The following ADAMTSL1 variants were observed in gnomAD, a reference collection of about 807,000 sequenced individuals.
The protein encoded by ADAMTSL1 is ADAMTS-like protein 1.
A neutral mutation model predicts 201.8 loss-of-function variants in ADAMTSL1; 126 were observed. The ratio of observed to expected loss-of-function variants is 0.62; its 90% CI spans 0.54 to 0.72. ADAMTSL1 has a LOEUF of 0.72. Among genes scored for constraint, ADAMTSL1 ranks in the 30% least tolerant of loss-of-function variants. The pLI, the probability that ADAMTSL1 is intolerant of heterozygous loss-of-function variation, is 0.00. For missense variants in ADAMTSL1, 2,679 were observed against 2,277.8 expected, an observed-to-expected ratio of 1.18 and a Z score of -3.59; for synonymous variants, 1,121 against 903.4, an observed-to-expected ratio of 1.24 and a Z score of -4.32.
intron 2 of ADAMTSL1, among the ~76,000 whole-genome samples, chr9:18,400,880 C>T (rs1426040469): frequency 1.3e-5 from 2 of 152,098 alleles, no homozygotes; most frequent in African/African-American, 2.4e-5. Context: ...TTTCATGAAG[C>T]TCAGGACAGC....
At chr9:18,348,656 T>G (rs967951683) in intron 2 of ADAMTSL1, among the ~76,000 whole-genome samples, 2 of 152,170 alleles carry the variant, frequency 1.3e-5, no homozygotes. Context: ...TTTTTACACA[T>G]GAAGTAAGTG....
At chr9:18,142,395 C>G (rs1237675742) in intron 1 of ADAMTSL1, among the ~76,000 whole-genome samples, 2 of 152,204 alleles carry the variant, frequency 1.3e-5, no homozygotes, top group African/African-American at 2.4e-5. Context: ...GAAATTAAGA[C>G]CGGCTCTTCT....
At position 18,082,032 on chromosome 9, in the gene ADAMTSL1, A is replaced by G. The variant is rs1823519452; in HGVS notation, c.88-81830A>G. 3.9e-5 allele frequency among the ~76,000 whole-genome samples: 6 copies of G among 152,228 alleles called. No individual in the cohort carries two copies. The South Asian group carries it at 1.2e-3, about 31-fold the overall frequency. On this transcript the variant is annotated intron_variant, in intron 1 of 29. Transcript: ENST00000680146. ...TAAACTGCTTTTATTTGCTTATGAT[A>G]TGAATCACTCGTTTGGAATATTTTC...
chr9:18,382,832 A>T (rs1282095422), intron 2 of ADAMTSL1, among the ~76,000 whole-genome samples: 2 of 152,220 alleles, frequency 1.3e-5, no homozygotes, highest in African/African-American at 4.8e-5. Flanking sequence ...AACAATGCTC[A>T]TTATAACACA....
chr9:18,631,397 G>A (rs560139941), intron 5 of ADAMTSL1, among the ~76,000 whole-genome samples: 26 of 152,226 alleles, frequency 1.7e-4, no homozygotes, highest in African/African-American at 2.4e-4. Flanking sequence ...TAATAAAACC[G>A]TCACGAAGAT....
chr9:18,402,620 C>A (rs1200862666), intron 2 of ADAMTSL1, among the ~76,000 whole-genome samples: 1 of 152,194 alleles, frequency 6.6e-6, no homozygotes, highest in Non-Finnish European at 1.5e-5. Flanking sequence ...TTCTTGCCCT[C>A]TGTTTCCAGC....
chr9:18,082,194 T>C (rs1215038853), intron 1 of ADAMTSL1, among the ~76,000 whole-genome samples: 1 of 152,348 alleles, frequency 6.6e-6, no homozygotes, highest in Non-Finnish European at 1.5e-5. Context: ...TAGCTTTATT[T>C]TGTCAAATAA....
intron 5 of ADAMTSL1, among the ~76,000 whole-genome samples, chr9:18,632,068 G>A (rs16936920): frequency 0.011 from 1,627 of 152,268 alleles, 31 homozygotes; most frequent in African/African-American, 0.037. Flanking sequence ...GGTGGGAGAG[G>A]ATGTGGCCCC....
rs540593062 is a variant in ADAMTSL1 at position 17,917,760 on chromosome 9, C to A, written c.87+10838C>A. Among the ~76,000 whole-genome samples the A allele has an allele frequency of 3.9e-4, 59 of 151,920 alleles. 1 individual carries two copies. In the South Asian group the frequency reaches 0.012, roughly 32 times the overall value. On this transcript the variant is annotated intron_variant, in intron 1 of 29. Transcript: ENST00000680146. ...TCTGCAATCTCTATATGATTTCTTC[C>A]TTAAATGTTTAAGAATTCACCAGTG...
chr9:18,107,819 C>T (rs957451982), intron 1 of ADAMTSL1, among the ~76,000 whole-genome samples: 1 of 152,078 alleles, frequency 6.6e-6, no homozygotes, highest in Non-Finnish European at 1.5e-5. Flanking sequence ...TAACCTGGTA[C>T]AGATTAGAAA....
chr9:18,838,372 C>CAG (rs1825457819), intron 23 of ADAMTSL1, among the ~76,000 whole-genome samples: 1 of 132,692 alleles, frequency 7.5e-6, no homozygotes, highest in East Asian at 2.2e-4. Flanking sequence ...CACACACACA[C>CAG]ACACACACAC....
At chr9:17,960,896 A>G (rs1281145790) in intron 1 of ADAMTSL1, among the ~76,000 whole-genome samples, 1 of 152,096 alleles carries the variant, frequency 6.6e-6, no homozygotes, top group Non-Finnish European at 1.5e-5. Flanking sequence ...TGGACTGTTC[A>G]CCCATTTTTC....
At chr9:18,471,640 A>T (rs1821217862), upstream of ADAMTSL1, among the ~76,000 whole-genome samples, 1 of 152,070 alleles carries the variant, frequency 6.6e-6, no homozygotes, top group Admixed American at 6.6e-5. Context: ...GTAGCTCTGG[A>T]TGTGCAATTG....
chr9:18,542,492 T>C (rs975023691), intron 3 of ADAMTSL1, among the ~76,000 whole-genome samples: 1 of 152,152 alleles, frequency 6.6e-6, no homozygotes, highest in Non-Finnish European at 1.5e-5. Flanking sequence ...TAAGTTAAAA[T>C]AAGGTCATTA....
intron 1 of ADAMTSL1, among the ~76,000 whole-genome samples, chr9:17,995,731 C>G (rs943716261): frequency 5.3e-5 from 8 of 151,820 alleles, no homozygotes; most frequent in African/African-American, 1.9e-4. Flanking sequence ...AGAGAAGATA[C>G]ATTTATAATT....
chr9:18,401,419 T>G (rs1817979858), intron 2 of ADAMTSL1, among the ~76,000 whole-genome samples: 1 of 152,224 alleles, frequency 6.6e-6, no homozygotes, highest in Non-Finnish European at 1.5e-5. Flanking sequence ...AATCTCTCAC[T>G]GTTTACTTCT....
intron 2 of ADAMTSL1, among the ~76,000 whole-genome samples, chr9:18,451,377 T>C (rs113371779): frequency 6.6e-6 from 1 of 152,188 alleles, no homozygotes; most frequent in East Asian, 1.9e-4. Context: ...GTCTACAATT[T>C]CCATACGATT....
At chr9:18,233,534 G>C (rs1219540521) in intron 2 of ADAMTSL1, among the ~76,000 whole-genome samples, 3 of 152,092 alleles carry the variant, frequency 2.0e-5, no homozygotes, top group African/African-American at 7.2e-5. Flanking sequence ...TAGTTATCTA[G>C]GCACTGAGGT....
At chr9:18,385,918 T>C (rs1837773230) in intron 2 of ADAMTSL1, among the ~76,000 whole-genome samples, 3 of 152,210 alleles carry the variant, frequency 2.0e-5, no homozygotes, top group Admixed American at 1.3e-4. Context: ...CTCATTCTTG[T>C]TTCTCAAGTA....
Sources: gnomAD v4.1 joint callset for allele counts (sites outside exome capture counted in the v4.1 genomes callset) on GRCh38, gnomAD v4.1.1 for gene constraint, MANE v1.5 for transcripts, NCBI Gene and HGNC (gene_info 2026-07-23, HGNC 2026-07-21) for gene names.